HLCS: variants seen among roughly 807,000 people sequenced by gnomAD.
The protein encoded by HLCS is biotin--protein ligase.
A neutral mutation model predicts 75.0 loss-of-function variants in HLCS; 53 were observed. That is an observed-to-expected ratio of 0.71 (90% confidence interval 0.57 to 0.89). The LOEUF (loss-of-function observed/expected upper bound fraction) is 0.89. Among genes scored for constraint, HLCS ranks in the 40% least tolerant of loss-of-function variants. HLCS has a pLI of 0.00. For synonymous variants in HLCS, 431 were observed against 428.6 expected, an observed-to-expected ratio of 1.01 and a Z score of -0.07; for missense variants, 966 against 1,074.0, an observed-to-expected ratio of 0.90 and a Z score of 1.41.
chr21:36,805,721 CT>C (rs896005472), intron 6 of HLCS, among the ~76,000 whole-genome samples: 1 of 152,176 alleles, frequency 6.6e-6, no homozygotes, highest in African/African-American at 2.4e-5. Flanking sequence ...TATACTTTTA[CT>C]ATGACTTAAT....
At position 36,806,571 on chromosome 21, in the gene HLCS, A is replaced by G. The variant is rs8130859; in HGVS notation, c.1893-39286T>C. On this transcript the variant is annotated intron_variant, in intron 6 of 10. Transcript: ENST00000674895. ...GGGCTAGAAGCAAGATGGAAAGATG[A>G]AGAAATGGGCAGAAAAGGCATTTGG... Among the ~76,000 whole-genome samples the G allele has an allele frequency of 3.3e-3, 499 of 152,298 alleles. 4 individuals are homozygous for G. The highest frequency in any genetic ancestry group is 0.011 in the African/African-American group (475 of 41,558).
chr21:36,779,881 AC>A (rs2060474981), intron 6 of HLCS, among the ~76,000 whole-genome samples: 1 of 151,936 alleles, frequency 6.6e-6, no homozygotes, highest in Admixed American at 6.6e-5. Flanking sequence ...AGACAAGTAT[AC>A]TCCGAGAAGT....
intron 6 of HLCS, among the ~76,000 whole-genome samples, chr21:36,809,109 G>C (rs2145951475): frequency 1.3e-5 from 2 of 152,116 alleles, no homozygotes; most frequent in South Asian, 4.2e-4. Flanking sequence ...AGCTACTCAG[G>C]AGGCTGAGGC....
At chr21:36,972,356 C>G (rs1026651048) in intron 1 of HLCS, 1 of 152,196 alleles carries the variant, frequency 6.6e-6, no homozygotes, top group East Asian at 1.9e-4. Context: ...TGCCCTACCA[C>G]CCAGGCTGCT....
At chr21:36,768,093 T>C (rs1184276049) in intron 6 of HLCS, among the ~76,000 whole-genome samples, 2 of 152,276 alleles carry the variant, frequency 1.3e-5, no homozygotes, top group Non-Finnish European at 2.9e-5. Context: ...AGTTCCTCTC[T>C]ACGTGCCCAG....
intron 6 of HLCS, among the ~76,000 whole-genome samples, chr21:36,797,114 G>A (rs144006270): frequency 0.015 from 2,285 of 152,108 alleles, 53 homozygotes; most frequent in African/African-American, 0.053. Context: ...TGATCCACCC[G>A]CCTCGGCCTC....
At chr21:36,833,286 C>T (rs1438537204) in intron 6 of HLCS, among the ~76,000 whole-genome samples, 1 of 150,858 alleles carries the variant, frequency 6.6e-6, no homozygotes, top group Non-Finnish European at 1.5e-5. Context: ...ACCTAGGCCT[C>T]CCAAAGTGCT....
chr21:36,825,893 C>T (rs2061992211), intron 6 of HLCS, among the ~76,000 whole-genome samples: 1 of 152,184 alleles, frequency 6.6e-6, no homozygotes. Flanking sequence ...CCAACCAACA[C>T]CTAAGAGGGC....
chr21:36,951,977 T>C (rs1341282363), intron 2 of HLCS, among the ~76,000 whole-genome samples: 1 of 152,200 alleles, frequency 6.6e-6, no homozygotes, highest in Non-Finnish European at 1.5e-5. Context: ...ATTTATCTGT[T>C]GTTGGTAATC....
At chr21:36,811,257 C>T (rs1388434973) in intron 6 of HLCS, among the ~76,000 whole-genome samples, 1 of 152,188 alleles carries the variant, frequency 6.6e-6, no homozygotes, top group Non-Finnish European at 1.5e-5. Flanking sequence ...CACTTTCACC[C>T]TTTCATGGTA....
At chr21:36,858,461 G>A (rs1207188240) in intron 6 of HLCS, among the ~76,000 whole-genome samples, 3 of 152,188 alleles carry the variant, frequency 2.0e-5, no homozygotes, top group Non-Finnish European at 2.9e-5. Flanking sequence ...AAGATTGGGG[G>A]GAAACGATTG....
chr21:36,877,536 C>T (rs1569135134), intron 6 of HLCS, among the ~76,000 whole-genome samples: 1 of 152,094 alleles, frequency 6.6e-6, no homozygotes, highest in Non-Finnish European at 1.5e-5. Flanking sequence ...TTTACCACCC[C>T]TTTGTTGTTC....
chr21:36,816,469 AC>A (rs2061668318), intron 6 of HLCS, among the ~76,000 whole-genome samples: 2 of 152,086 alleles, frequency 1.3e-5, no homozygotes, highest in African/African-American at 4.8e-5. Flanking sequence ...TAGGAAATAC[AC>A]AGGAGGAGTT....
intron 6 of HLCS, among the ~76,000 whole-genome samples, chr21:36,825,895 T>C (rs2061992424): frequency 6.6e-6 from 1 of 151,988 alleles, no homozygotes; most frequent in Non-Finnish European, 1.5e-5. Context: ...AACCAACACC[T>C]AAGAGGGCAG....
chr21:36,841,603 G>A (rs1192546816), intron 6 of HLCS, among the ~76,000 whole-genome samples: 1 of 152,220 alleles, frequency 6.6e-6, no homozygotes, highest in Non-Finnish European at 1.5e-5. Flanking sequence ...ATCCTAGGCT[G>A]GGAAACAGTA....
chr21:36,965,862 C>A (rs560559392), intron 1 of HLCS, among the ~76,000 whole-genome samples: 1 of 152,054 alleles, frequency 6.6e-6, no homozygotes, highest in Non-Finnish European at 1.5e-5. Flanking sequence ...GTGACCCTCC[C>A]GCCTCACCCT....
chr21:36,816,731 C>T (rs781633600), intron 6 of HLCS, among the ~76,000 whole-genome samples: 9 of 152,074 alleles, frequency 5.9e-5, no homozygotes, highest in Non-Finnish European at 1.0e-4. Context: ...CTATCGGAAA[C>T]GCTGACTTCA....
chr21:36,936,654 T>A lies in HLCS; in HGVS notation c.1232A>T (p.His411Leu). ...GFQVTSKGAL[H>L]KTVQNLVFSK... ...GAAAACCAAGTTCTGGACTGTCTTG[T>A]GCAGTGCACCCTTGCTTGTCACCTG... Residue 411 changes from histidine to leucine, a missense_variant, in exon 4 of 11, where the codon CAC (histidine) becomes CTC (leucine). Coordinates refer to ENST00000674895, the MANE Select transcript of HLCS (RefSeq NM_001352514.2). 6.2e-7 allele frequency: 1 copy of A among 1,614,210 alleles called. No homozygotes were observed. Among genetic ancestry groups the A allele is most frequent in the Middle Eastern group, 1.6e-4 (1 of 6,062 alleles).
chr21:36,963,687 A>G (rs190028296), intron 1 of HLCS, among the ~76,000 whole-genome samples: 2 of 152,122 alleles, frequency 1.3e-5, no homozygotes, highest in East Asian at 1.9e-4. Context: ...GGGAGGCAGA[A>G]GTTGCGGGGA....
Sources: allele counts gnomAD v4.1 joint callset (sites outside exome capture counted in the v4.1 genomes callset), GRCh38; gene constraint gnomAD v4.1.1; transcripts MANE v1.5; gene names NCBI Gene and HGNC (gene_info 2026-07-23, HGNC 2026-07-21).